Variants in CCNJL observed in about 807,000 individuals in gnomAD.
CCNJL encodes cyclin-J-like protein.
Under a neutral mutation model 33.4 loss-of-function variants are expected in CCNJL, and 33 were observed. The observed-to-expected ratio is 0.99, with a 90% confidence interval of 0.75 to 1.32. CCNJL has a LOEUF of 1.32. Ranked by LOEUF, CCNJL falls within the 40% of genes most tolerant of loss-of-function variation. The pLI is 0.00. For synonymous variants in CCNJL, 227 were observed against 220.9 expected (o/e 1.03, Z -0.24); for missense variants, 512 against 499.7 (o/e 1.02, Z -0.23).
chr5:160,277,744 G>GTTTT (rs57967385), intron 3 of CCNJL, among the ~76,000 whole-genome samples: 3 of 125,218 alleles, frequency 2.4e-5, no homozygotes, highest in African/African-American at 9.2e-5. Flanking sequence ...CTGTCTATCT[G>GTTTT]TTTTTTTTTT....
chr5:160,321,076 T>TTCCTTCTC (rs1763455970), intron 1 of CCNJL, among the ~76,000 whole-genome samples: 2 of 92,322 alleles, frequency 2.2e-5, no homozygotes, highest in Non-Finnish European at 4.0e-5. Context: ...CTTTCTTTCT[T>TTCCTTCTC]TCTTTCTTTC....
intron 3 of CCNJL, among the ~76,000 whole-genome samples, chr5:160,278,566 C>G (rs966890928): frequency 2.6e-5 from 4 of 152,118 alleles, no homozygotes; most frequent in African/African-American, 7.2e-5. Context: ...TCCTGCTGCC[C>G]GAGGCTGTGC....
At chr5:160,308,309 A>G (rs1434313525) in intron 2 of CCNJL, among the ~76,000 whole-genome samples, 1 of 152,236 alleles carries the variant, frequency 6.6e-6, no homozygotes, top group Non-Finnish European at 1.5e-5. Context: ...CAGAAGAGGA[A>G]AGCGAAGACT....
intron 2 of CCNJL, among the ~76,000 whole-genome samples, chr5:160,304,895 C>A (rs749488823): frequency 6.6e-6 from 1 of 151,810 alleles, no homozygotes; most frequent in African/African-American, 2.4e-5. Context: ...CTCACTGCAA[C>A]GTCCGCCTCC....
At chr5:160,258,485 A>G in intron 4 of CCNJL, 1 of 1,287,496 alleles carries the variant, frequency 7.8e-7, no homozygotes, top group Non-Finnish European at 1.1e-6. Flanking sequence ...ATCTTGCCTA[A>G]AGAGCAGTGG....
At chr5:160,282,129 T>C (rs886097311) in intron 2 of CCNJL, among the ~76,000 whole-genome samples, 2 of 152,214 alleles carry the variant, frequency 1.3e-5, no homozygotes, top group Admixed American at 1.3e-4. Flanking sequence ...CCCTCTTCTA[T>C]AGAAAACCTC....
At chr5:160,323,120 A>G (rs1763493588) in intron 1 of CCNJL, among the ~76,000 whole-genome samples, 1 of 151,698 alleles carries the variant, frequency 6.6e-6, no homozygotes, top group Middle Eastern at 3.4e-3. Flanking sequence ...CTGTAGTCCC[A>G]GGTACTCGGG....
Position 160,259,636 on chromosome 5 carries a change from C to G in CCNJL, c.416G>C (p.Ser139Thr). 2 of 1,614,164 alleles carry G rather than the reference C, an allele frequency of 1.2e-6. No individual in the cohort carries two copies. Among genetic ancestry groups the G allele is most frequent in the Non-Finnish European group, 1.7e-6 (2 of 1,180,038 alleles). The change falls in exon 4 of 6, where the codon AGC becomes ACC. Residue 139 changes from serine to threonine, a missense_variant. Coordinates refer to ENST00000257536, the MANE Select transcript of CCNJL (RefSeq NM_001308173.3). Reference protein sequence around the residue: ...STELLLLEAFSWNLCLPTPAH... With the variant: ...STELLLLEAFTWNLCLPTPAH... ...AGGCGTGGGCAGGCAGAGGTTCCAG[C>G]TGAAGGCCTCCAGGAGCAGCAGCTC...
intron 3 of CCNJL, among the ~76,000 whole-genome samples, chr5:160,268,928 T>A (rs573285757): frequency 4.2e-4 from 64 of 152,354 alleles, no homozygotes; most frequent in African/African-American, 1.5e-3. Flanking sequence ...AGAGCAGGGC[T>A]GCATCTCCAG....
chr5:160,312,129 G>A (rs1763284900), intron 1 of CCNJL, among the ~76,000 whole-genome samples, 157 bp from the exon 2 acceptor site: 1 of 152,214 alleles, frequency 6.6e-6, no homozygotes, highest in Non-Finnish European at 1.5e-5. Flanking sequence ...GCGGAAGGCT[G>A]CGGTGCCCCC....
chr5:160,249,918 T>G lies in CCNJL; in HGVS notation c.*3460A>C, dbSNP rs1408207396. On this transcript the variant is annotated 3_prime_UTR_variant, in exon 6 of 6. Transcript: ENST00000257536. ...TGAATGACCAAGAAGCTGGCTAAAG[T>G]GCAGATTCCAGGTCCCCACCCCTCC... 1 of 152,052 alleles carries G rather than the reference T, an allele frequency of 6.6e-6. No homozygotes were observed. The highest frequency in any genetic ancestry group is 2.4e-5 in the African/African-American group (1 of 41,378). 9.4% of individuals were successfully genotyped at this position (152,052 alleles called of 1,614,324 possible). A position where few individuals can be genotyped will look rare whatever the true frequency, so the allele number is the denominator to read the frequency against.
chr5:160,253,864 A>G, intron 5 of CCNJL, 66 bp from the exon 6 acceptor site: 1 of 1,296,790 alleles, frequency 7.7e-7, no homozygotes, highest in East Asian at 2.4e-5. Flanking sequence ...GTGTGTCTCT[A>G]CCTGTCTTGC....
At chr5:160,271,737 T>A (rs766483266) in intron 3 of CCNJL, among the ~76,000 whole-genome samples, 4 of 152,220 alleles carry the variant, frequency 2.6e-5, no homozygotes, top group Non-Finnish European at 5.9e-5. Flanking sequence ...ATGGCAGTGT[T>A]TTGGAAGAAA....
At chr5:160,261,050 G>A (rs150334384) in intron 3 of CCNJL, 2 of 152,438 alleles carry the variant, frequency 1.3e-5, no homozygotes, top group African/African-American at 4.8e-5. Flanking sequence ...CAGTGCTCAC[G>A]AAGGGAAGGG....
At chr5:160,288,573 C>CTTTA (rs754433443) in intron 2 of CCNJL, among the ~76,000 whole-genome samples, 1 of 151,890 alleles carries the variant, frequency 6.6e-6, no homozygotes, top group Non-Finnish European at 1.5e-5. Flanking sequence ...ACTGATGAAT[C>CTTTA]TTAAAAAGAA....
At chr5:160,303,061 T>C (rs1032572335) in intron 2 of CCNJL, among the ~76,000 whole-genome samples, 12 of 152,182 alleles carry the variant, frequency 7.9e-5, no homozygotes, top group African/African-American at 2.7e-4. Context: ...ATCACATTCA[T>C]GTGTTATCTG....
chr5:160,338,223 C>G (rs1303988484), intron 1 of CCNJL, among the ~76,000 whole-genome samples: 5 of 129,518 alleles, frequency 3.9e-5, no homozygotes, highest in Admixed American at 3.1e-4. Context: ...ATGGTGAAAC[C>G]CCGTCTCTAC....
chr5:160,253,185 A>G lies in CCNJL; in HGVS notation c.*193T>C. ...ACACGTGGCAGACGTTTCTCAGAGG[A>G]ATGCTCTCGGGTGAGGTATGTTATT... is the stretch of plus-strand genomic sequence containing the variant. On this transcript the variant is annotated 3_prime_UTR_variant, in exon 6 of 6. Coordinates refer to ENST00000257536, the MANE Select transcript of CCNJL (RefSeq NM_001308173.3). 1 of 498,158 alleles carries G rather than the reference A, an allele frequency of 2.0e-6. No individual in the cohort carries two copies. The highest frequency in any genetic ancestry group is 3.4e-6 in the Non-Finnish European group (1 of 290,982). The allele number at this position is 498,158 out of a possible 1,614,324, so 30.9% of individuals were successfully genotyped here. A position where few individuals can be genotyped will look rare whatever the true frequency, so the allele number is the denominator to read the frequency against.
chr5:160,314,117 C>A (rs534851340), upstream of CCNJL, among the ~76,000 whole-genome samples: 3 of 152,130 alleles, frequency 2.0e-5, no homozygotes, highest in Non-Finnish European at 4.4e-5. Flanking sequence ...TGCAGTGAGC[C>A]GAGATCGTGC....
Sources: allele counts gnomAD v4.1 joint callset (sites outside exome capture counted in the v4.1 genomes callset), GRCh38; gene constraint gnomAD v4.1.1; transcripts MANE v1.5; gene names NCBI Gene and HGNC (gene_info 2026-07-23, HGNC 2026-07-21).